MCF2: variants seen among roughly 807,000 people sequenced by gnomAD.
The protein encoded by MCF2 is MCF.2 cell line derived transforming sequence.
In MCF2, 44 loss-of-function variants were observed where a neutral mutation model predicts 82.5. The observed-to-expected ratio is 0.53, with a 90% CI of 0.42 to 0.69. The LOEUF is 0.69. Ranked by LOEUF, MCF2 falls within the 30% of genes least tolerant of loss-of-function variation. The pLI, the probability that MCF2 is intolerant of heterozygous loss-of-function variation, is 0.00. For missense variants in MCF2, 623 were observed against 663.1 expected (o/e 0.94, Z 0.66); for synonymous variants, 217 against 224.9 (o/e 0.96, Z 0.32).
intron 1 of MCF2, among the ~76,000 whole-genome samples, chrX:139,671,886 T>C: frequency 8.9e-6 from 1 of 111,857 alleles, no homozygotes; most frequent in Non-Finnish European, 1.9e-5. Flanking sequence ...TGGCATTGAA[T>C]GTATAAATTA....
rs771266756 is a variant in MCF2, at chrX:139,629,915, T to A, written c.289-71A>T. ...GCATATCAAAAACTGGATCAGTAAG[T>A]GTATTTGTTTTTATTGGGGGTATAA... On this transcript the variant is annotated intron_variant, in intron 3 of 24. Transcript: ENST00000370576. 62 of 931,562 alleles carry A rather than the reference T, an allele frequency of 6.7e-5. No individual in the cohort carries two copies. In the African/African-American group the frequency reaches 1.1e-3, roughly 17 times the overall value. The allele number at this position is 931,562 out of a possible 1,213,427, so 76.8% of individuals were successfully genotyped here.
At chrX:139,607,005 T>C (rs980136730) in intron 12 of MCF2, among the ~76,000 whole-genome samples, 8 of 111,353 alleles carry the variant, frequency 7.2e-5, no homozygotes, top group South Asian at 3.7e-4. Context: ...TAATATACCA[T>C]TATAACAATG....
At chrX:139,603,419 T>C (rs1459631724) in intron 15 of MCF2, among the ~76,000 whole-genome samples, 1 of 112,655 alleles carries the variant, frequency 8.9e-6, no homozygotes, top group Non-Finnish European at 1.9e-5. Context: ...ACAAGCACAG[T>C]AAATATAAAA....
chrX:139,663,715 C>A (rs1217122849), intron 1 of MCF2, among the ~76,000 whole-genome samples: 1 of 108,747 alleles, frequency 9.2e-6, no homozygotes, highest in Admixed American at 1.0e-4. Context: ...TCGAATGTTT[C>A]TTTGTTGATT....
At chrX:139,649,578 T>G (rs763890945) in intron 2 of MCF2, among the ~76,000 whole-genome samples, 1 of 111,879 alleles carries the variant, frequency 8.9e-6, no homozygotes, top group African/African-American at 3.2e-5. Context: ...TAAGAGTAAA[T>G]TATCATTGAC....
chrX:139,626,097 T>A (rs905419842), intron 6 of MCF2, 96 bp downstream of exon 9: 1 of 452,687 alleles, frequency 2.2e-6, no homozygotes, highest in African/African-American at 2.5e-5. Context: ...TTTGTAGGTA[T>A]AAATGGGCAT....
chrX:139,616,309 A>T (rs1931887101), exon 9 of MCF2: 1 of 1,128,276 alleles, frequency 8.9e-7, no homozygotes, highest in African/African-American at 1.8e-5. Context: ...ATATTACATC[A>T]AATTCATACT....
chrX:139,590,211 T>C (rs1929380225), intron 19 of MCF2, among the ~76,000 whole-genome samples: 1 of 111,390 alleles, frequency 9.0e-6, no homozygotes, highest in South Asian at 3.7e-4. Context: ...TCTAATTATG[T>C]TATAAATTAA....
intron 1 of MCF2, among the ~76,000 whole-genome samples, chrX:139,687,928 G>A (rs1053660321): frequency 1.3e-4 from 15 of 111,764 alleles, no homozygotes; most frequent in Non-Finnish European, 2.6e-4. Context: ...GCCTACTCAT[G>A]GTCTATTATA....
intron 2 of MCF2, among the ~76,000 whole-genome samples, chrX:139,632,034 C>T (rs893148057): frequency 9.0e-6 from 1 of 111,192 alleles, no homozygotes; most frequent in Non-Finnish European, 1.9e-5. Context: ...AAATTTCCTG[C>T]TTATATACAC....
At chrX:139,701,730 A>G (rs952400583) in intron 1 of MCF2, among the ~76,000 whole-genome samples, 3 of 112,624 alleles carry the variant, frequency 2.7e-5, no homozygotes, top group African/African-American at 9.7e-5. Context: ...TATATAATGT[A>G]TATAATACAC....
rs187692586 is a variant in MCF2 at position 139,586,568 on chromosome X, T to C, written c.2523-81A>G. 1.1e-3 allele frequency: 699 copies of C among 613,703 alleles called. 3 individuals are homozygous for C. In the African/African-American group the frequency reaches 0.013, roughly 11 times the overall value. 50.6% of individuals were successfully genotyped at this position (613,703 alleles called of 1,213,427 possible). A position where few individuals can be genotyped will look rare whatever the true frequency, so the allele number is the denominator to read the frequency against. Reference sequence around the variant, plus strand: ...GAAATTTAAAGTGGTATTTCTTCCATTGATACCAAGTGTTAAGAACATGCT... The same window carrying C: ...GAAATTTAAAGTGGTATTTCTTCCACTGATACCAAGTGTTAAGAACATGCT... On this transcript the variant is annotated intron_variant, in intron 22 of 24. Transcript: ENST00000370576.
intron 16 of MCF2, among the ~76,000 whole-genome samples, chrX:139,600,924 T>A (rs1020750840): frequency 6.3e-5 from 7 of 111,739 alleles, no homozygotes; most frequent in Admixed American, 9.5e-5. Context: ...AAGCCATTTT[T>A]AAAAGAAAAA....
chrX:139,619,975 G>T (rs1291859129), intron 6 of MCF2, among the ~76,000 whole-genome samples: 1 of 101,769 alleles, frequency 9.8e-6, no homozygotes. Context: ...TACGTGTGAG[G>T]TATGTATAGG....
chrX:139,638,734 G>C (rs1249334862), intron 1 of MCF2, among the ~76,000 whole-genome samples: 1 of 111,868 alleles, frequency 8.9e-6, no homozygotes, highest in East Asian at 2.8e-4. Flanking sequence ...CTGACAATTT[G>C]CAACCTCTGA....
intron 18 of MCF2, among the ~76,000 whole-genome samples, 182 bp from the exon 23 acceptor site, chrX:139,596,952 G>T (rs1462181593): frequency 9.0e-6 from 1 of 110,822 alleles, no homozygotes; most frequent in Non-Finnish European, 1.9e-5. Context: ...TTACTGTGGG[G>T]GTGGGGGACA....
intron 2 of MCF2, among the ~76,000 whole-genome samples, chrX:139,650,739 A>G (rs1016083932): frequency 2.7e-5 from 3 of 112,236 alleles, no homozygotes; most frequent in Non-Finnish European, 5.6e-5. Context: ...GGGTAATGCT[A>G]TTTAGCGGCA....
intron 18 of MCF2, 89 bp from the exon 23 acceptor site, chrX:139,596,859 T>G: frequency 6.7e-6 from 4 of 597,196 alleles, no homozygotes; most frequent in Non-Finnish European, 8.3e-6. Context: ...CTTAAGCTAC[T>G]CAAACCCTGA....
At chrX:139,649,740 T>C (rs992826568) in intron 2 of MCF2, among the ~76,000 whole-genome samples, 1 of 111,798 alleles carries the variant, frequency 8.9e-6, no homozygotes, top group Non-Finnish European at 1.9e-5. Flanking sequence ...AAGGAAGCTA[T>C]AGGTAGAAGC....
Sources: gnomAD v4.1 joint callset for allele counts (sites outside exome capture counted in the v4.1 genomes callset) on GRCh38, gnomAD v4.1.1 for gene constraint, MANE v1.5 for transcripts, NCBI Gene and HGNC (gene_info 2026-07-23, HGNC 2026-07-21) for gene names.